Variants in CPD observed in about 807,000 individuals in gnomAD.
The protein encoded by CPD is metallocarboxypeptidase D.
Under a neutral mutation model 138.3 loss-of-function variants are expected in CPD, and 69 were observed. The ratio of observed to expected loss-of-function variants is 0.50; its 90% confidence interval spans 0.41 to 0.61. The LOEUF (loss-of-function observed/expected upper bound fraction) is 0.61, where lower values mean the gene tolerates loss of function less well. CPD is among the 20% of genes least tolerant of loss of function. CPD has a pLI of 0.00. For missense variants in CPD, 1,432 were observed against 1,733.3 expected, an observed-to-expected ratio of 0.83 and a Z score of 3.09; for synonymous variants, 651 against 642.1, an observed-to-expected ratio of 1.01 and a Z score of -0.21.
chr17:30,379,779 T>G lies in CPD; in HGVS notation c.746+53T>G. ...CGTGTGAGCCTCCAAGGGCCGAGGC[T>G]GGTTCCGGCACCCAGTAGGCGCTCA... is the stretch of plus-strand genomic sequence containing the variant. On this transcript the variant is annotated intron_variant, in intron 1 of 20. Coordinates refer to ENST00000225719, the MANE Select transcript of CPD (RefSeq NM_001304.5). This position sits in a 1 kb window ranked among gnomAD's most constrained non-coding sequence, Gnocchi z 7.0. The G allele has an allele frequency of 2.3e-6, 3 of 1,296,840 alleles. No individual in the cohort carries two copies. The South Asian group carries it at 5.5e-5, about 24-fold the overall frequency. The allele number at this position is 1,296,840 out of a possible 1,614,324, so 80.3% of individuals were successfully genotyped here. A position where few individuals can be genotyped will look rare whatever the true frequency, so the allele number is the denominator to read the frequency against.
rs1913699975 is a variant in CPD at position 30,468,362 on chromosome 17, A to G, written c.*3548A>G. On this transcript the variant is annotated 3_prime_UTR_variant, in exon 21 of 21. Transcript: ENST00000225719. ...CTACAGATTTTCTGGAGGTATGACA[A>G]TAGTATTTTTTTATGCTCAGATTAA... 6.6e-6 allele frequency: 1 copy of G among 152,550 alleles called. No individual in the cohort carries two copies. Among genetic ancestry groups the G allele is most frequent in the East Asian group, 1.9e-4 (1 of 5,200 alleles). 9.4% of individuals were successfully genotyped at this position (152,550 alleles called of 1,614,324 possible).
chr17:30,396,232 A>T (rs1911503734), intron 2 of CPD, among the ~76,000 whole-genome samples: 1 of 152,152 alleles, frequency 6.6e-6, no homozygotes, highest in African/African-American at 2.4e-5. Context: ...GTTGAAATAT[A>T]GGGTAGAAAT....
chr17:30,456,075 T>C (rs1405593454), intron 15 of CPD, 181 bp from the exon 16 acceptor site: 1 of 573,938 alleles, frequency 1.7e-6, no homozygotes, highest in Non-Finnish European at 3.1e-6. Flanking sequence ...GTAAAGAGGA[T>C]GTTTGTCTTC....
In CPD at chr17:30,392,058, G is replaced by A. The variant is rs141825564; in HGVS notation, c.994+6822G>A. ...AAAGTCTCACTCTGTCACCCAGGCCGGAGTGAAGTGGCGCAATCTCGGCTC... is the reference window on the plus strand; with the variant it reads ...AAAGTCTCACTCTGTCACCCAGGCCAGAGTGAAGTGGCGCAATCTCGGCTC... On this transcript the variant is annotated intron_variant, in intron 2 of 20. Coordinates refer to ENST00000225719, the MANE Select transcript of CPD (RefSeq NM_001304.5). Among the ~76,000 whole-genome samples the A allele has an allele frequency of 7.4e-3, 1,087 of 147,566 alleles. 16 individuals carry two copies. Among genetic ancestry groups the A allele is most frequent in the African/African-American group, 0.026 (1,032 of 39,770 alleles).
intron 11 of CPD, among the ~76,000 whole-genome samples, chr17:30,445,162 A>G (rs1342567673): frequency 1.3e-5 from 2 of 152,090 alleles, no homozygotes; most frequent in African/African-American, 4.8e-5. Context: ...TTGAAGCCAT[A>G]TATTTAATCT....
At chr17:30,439,908 A>C (rs1455478431) in intron 9 of CPD, among the ~76,000 whole-genome samples, 4 of 29,032 alleles carry the variant, frequency 1.4e-4, no homozygotes, top group African/African-American at 3.3e-4. Flanking sequence ...ATTTATAGTC[A>C]TTTGGGTATA....
intron 6 of CPD, among the ~76,000 whole-genome samples, chr17:30,425,441 G>A (rs978339658): frequency 1.3e-5 from 2 of 152,008 alleles, no homozygotes; most frequent in African/African-American, 2.4e-5. Flanking sequence ...GATCATTTGA[G>A]ACCAGGAGTT....
chr17:30,451,061 A>G lies in CPD; in HGVS notation c.3070-650A>G, dbSNP rs1441296467. Among the ~76,000 whole-genome samples the G allele has an allele frequency of 2.6e-5, 4 of 152,220 alleles. No homozygotes were observed. The South Asian group carries it at 6.2e-4, about 24-fold the overall frequency. ...CTGGGTAATATACCAGGTATTTTAT[A>G]TACGTCATTATATCCTCAACCCTGT... is the stretch of plus-strand genomic sequence containing the variant. On this transcript the variant is annotated intron_variant, in intron 13 of 20. Coordinates refer to ENST00000225719, the MANE Select transcript of CPD (RefSeq NM_001304.5).
chr17:30,403,678 C>T (rs553529002), intron 2 of CPD, among the ~76,000 whole-genome samples: 25 of 152,282 alleles, frequency 1.6e-4, no homozygotes, highest in South Asian at 4.2e-4. Context: ...ATAACTAAAA[C>T]ATGGATACAT....
chr17:30,445,870 A>G lies in CPD; in HGVS notation c.2723A>G (p.Asp908Gly), dbSNP rs1913015209. 1.9e-6 allele frequency: 3 copies of G among 1,614,110 alleles called. No homozygotes were observed. Among genetic ancestry groups the G allele is most frequent in the Non-Finnish European group, 2.5e-6 (3 of 1,179,988 alleles). ...TTKEFETLIK[D>G]LSAENGLESL... Reference sequence around the variant, plus strand: ...AAAGAGTTTGAAACTTTAATTAAAGACCTTTCAGCGGAGAATGGTTTGGAA... The same window carrying G: ...AAAGAGTTTGAAACTTTAATTAAAGGCCTTTCAGCGGAGAATGGTTTGGAA... Residue 908 changes from aspartate (D) to glycine (G), a missense_variant, in exon 12 of 21, where the codon GAC becomes GGC. Physicochemically the swap from Asp to Gly is moderately conservative, Grantham distance 94. This residue lies in a region of CPD where 124 missense variants were observed against 117.0 expected (regional missense o/e 1.06). Transcript: ENST00000225719.
rs148014976 is a variant in CPD at position 30,427,617 on chromosome 17, T to G, written c.2017+59T>G. ...TGTTGAGAGCATTTGGAAATCCTGG[T>G]GGAATTTTATCTGTTTGTAGTGTTA... On this transcript the variant is annotated intron_variant, in intron 7 of 20. Transcript: ENST00000225719. 9.7e-4 allele frequency: 1,434 copies of G among 1,478,044 alleles called. 17 individuals are homozygous for G. The East Asian group carries it at 0.029, about 29-fold the overall frequency. 91.6% of individuals were successfully genotyped at this position (1,478,044 alleles called of 1,614,324 possible).
chr17:30,428,294 A>G (rs561693609), intron 7 of CPD, among the ~76,000 whole-genome samples: 26 of 152,350 alleles, frequency 1.7e-4, no homozygotes, highest in African/African-American at 6.0e-4. Context: ...TCAGTACCCA[A>G]GAGAACCAAA....
At chr17:30,452,261 T>C (rs777044367) in intron 14 of CPD, among the ~76,000 whole-genome samples, 3 of 151,864 alleles carry the variant, frequency 2.0e-5, no homozygotes, top group East Asian at 1.9e-4. Flanking sequence ...TCAGTACTTA[T>C]AGATCTCTAA....
At chr17:30,427,282 G>A in intron 6 of CPD, 109 bp from the exon 7 acceptor site, 1 of 889,700 alleles carries the variant, frequency 1.1e-6, no homozygotes, top group East Asian at 2.5e-5. Flanking sequence ...TAATAGCGAA[G>A]CCTGATGTGT....
intron 12 of CPD, 70 bp from the exon 13 acceptor site, chr17:30,449,483 A>G (rs1913110115): frequency 7.5e-7 from 1 of 1,335,116 alleles, no homozygotes; most frequent in Non-Finnish European, 1.0e-6. Context: ...TTCTATTTTT[A>G]AAGTCCATAA....
chr17:30,404,565 C>G (rs901163718), intron 2 of CPD, among the ~76,000 whole-genome samples: 1 of 152,060 alleles, frequency 6.6e-6, no homozygotes, highest in Admixed American at 6.5e-5. Context: ...AATTTGAATA[C>G]TATAGCCCTC....
At chr17:30,434,960 T>G (rs1261710160) in intron 8 of CPD, among the ~76,000 whole-genome samples, 2 of 152,022 alleles carry the variant, frequency 1.3e-5, no homozygotes, top group Non-Finnish European at 2.9e-5. Context: ...AAACTTCACA[T>G]ATAGACACTA....
At chr17:30,438,629 G>C (rs1912767006) in intron 8 of CPD, among the ~76,000 whole-genome samples, 1 of 152,122 alleles carries the variant, frequency 6.6e-6, no homozygotes, top group African/African-American at 2.4e-5. Context: ...CTCCTTGAAA[G>C]CATGAAACGA....
At chr17:30,445,125 G>A (rs1380345283) in intron 11 of CPD, among the ~76,000 whole-genome samples, 4 of 152,116 alleles carry the variant, frequency 2.6e-5, no homozygotes, top group African/African-American at 4.8e-5. Flanking sequence ...AGACATGGGA[G>A]TATCCACTAC....
Sources: allele counts gnomAD v4.1 joint callset (sites outside exome capture counted in the v4.1 genomes callset), GRCh38; gene constraint gnomAD v4.1.1; regional missense constraint gnomAD v4.1.1; non-coding constraint Gnocchi (gnomAD v3.1); transcripts MANE v1.5; gene names NCBI Gene and HGNC (gene_info 2026-07-23, HGNC 2026-07-21).